Variants in GFRAL observed in about 807,000 individuals in gnomAD.
GFRAL encodes GDNF family receptor alpha like, also known as GDNF family receptor alpha-like.
In GFRAL, 36 loss-of-function variants were observed where a neutral mutation model predicts 45.4. The observed-to-expected ratio is 0.79, with a 90% CI of 0.61 to 1.05. GFRAL has a LOEUF of 1.05. GFRAL is among the 50% of genes least tolerant of loss of function. GFRAL has a pLI of 0.00. For missense variants in GFRAL, 507 were observed against 467.5 expected (o/e 1.08, Z -0.78); for synonymous variants, 166 against 154.1 (o/e 1.08, Z -0.57).
At chr6:55,342,544 C>G (rs1425485415) in intron 3 of GFRAL, among the ~76,000 whole-genome samples, 1 of 152,090 alleles carries the variant, frequency 6.6e-6, no homozygotes, top group Non-Finnish European at 1.5e-5. Flanking sequence ...TGGAAAGGGA[C>G]AACCGGTACC....
rs2127355242 is a variant in GFRAL at position 55,351,291 on chromosome 6, G to A, written c.409G>A (p.Ala137Thr). The A allele has an allele frequency of 6.2e-7, 1 of 1,607,734 alleles. No homozygotes were observed. Among genetic ancestry groups the A allele is most frequent in the Non-Finnish European group, 8.5e-7 (1 of 1,175,452 alleles). The change falls in exon 5 of 9, where the codon GCA becomes ACA. Residue 137 changes from alanine to threonine, a missense_variant. Physicochemically the swap from Ala to Thr is moderately conservative, Grantham distance 58 (BLOSUM62 0). Transcript: ENST00000340465. ...GMWSCLEVAE[A>T]CVGDVVCNAQ... ...GTGGTCCTGTTTGGAAGTGGCAGAG[G>A]CATGTGTAGGGGATGTGGTCTGTAA... is the stretch of plus-strand genomic sequence containing the variant.
chr6:55,369,304 C>T (rs148937720), intron 6 of GFRAL, among the ~76,000 whole-genome samples: 2,215 of 152,316 alleles, frequency 0.015, 52 homozygotes, highest in African/African-American at 0.051. Flanking sequence ...CTTCGGCTCA[C>T]GCAAGGTGCG....
At chr6:55,341,936 A>G (rs1219180639) in intron 3 of GFRAL, among the ~76,000 whole-genome samples, 1 of 151,912 alleles carries the variant, frequency 6.6e-6, no homozygotes, top group Non-Finnish European at 1.5e-5. Context: ...ATTGAAGATT[A>G]AACAAATGAA....
At chr6:55,338,161 G>A (rs2127351158) in intron 3 of GFRAL, among the ~76,000 whole-genome samples, 1 of 152,198 alleles carries the variant, frequency 6.6e-6, no homozygotes, top group East Asian at 1.9e-4. Flanking sequence ...AGTGATCTCA[G>A]CTCACTGCAA....
At chr6:55,333,453 A>G (rs1422526800) in intron 2 of GFRAL, among the ~76,000 whole-genome samples, 1 of 152,178 alleles carries the variant, frequency 6.6e-6, no homozygotes. Flanking sequence ...TAAAATAGAT[A>G]AGCTGACAAA....
chr6:55,399,994 G>T (rs541976605), intron 8 of GFRAL, among the ~76,000 whole-genome samples: 1 of 152,200 alleles, frequency 6.6e-6, no homozygotes, highest in African/African-American at 2.4e-5. Context: ...AATCTTGGCT[G>T]CTTTTATTGC....
intron 6 of GFRAL, among the ~76,000 whole-genome samples, chr6:55,368,914 C>T (rs1768407248): frequency 6.6e-6 from 1 of 152,096 alleles, no homozygotes; most frequent in South Asian, 2.1e-4. Flanking sequence ...TGCCCTGACC[C>T]CGGAGGTGGA....
chr6:55,331,719 G>A lies in GFRAL; in HGVS notation c.27G>A (p.Met9Ile), dbSNP rs1325546215. 1.2e-6 allele frequency: 2 copies of A among 1,604,978 alleles called. No individual in the cohort carries two copies. Among genetic ancestry groups the A allele is most frequent in the Non-Finnish European group, 1.7e-6 (2 of 1,177,050 alleles). The change falls in exon 2 of 9, where the codon ATG (methionine) becomes ATA (isoleucine). Residue 9 changes from methionine to isoleucine, a missense_variant. Met to Ile is a conservative substitution (Grantham distance 10). Transcript: ENST00000340465. ...TTTTTGTTGTTGTTATTCAAGCTAT[G>A]GGGTTAAGCTTGGAAAATGAATACA... MIVFIFLAMGLSLENEYTS... is the reference protein window; with the variant it reads MIVFIFLAIGLSLENEYTS...
At chr6:55,383,755 A>T (rs1768644693) in intron 6 of GFRAL, among the ~76,000 whole-genome samples, 1 of 151,970 alleles carries the variant, frequency 6.6e-6, no homozygotes, top group African/African-American at 2.4e-5. Flanking sequence ...GATTGACATG[A>T]TGCACTTTCT....
At chr6:55,357,483 C>T (rs1025043847) in intron 5 of GFRAL, among the ~76,000 whole-genome samples, 7 of 151,506 alleles carry the variant, frequency 4.6e-5, no homozygotes, top group Non-Finnish European at 1.0e-4. Context: ...ATAGCTACTC[C>T]TGCTTCTTTT....
In GFRAL at chr6:55,402,171, G is replaced by C. The variant is rs1770945263; in HGVS notation, c.*318G>C. On this transcript the variant is annotated 3_prime_UTR_variant, in exon 9 of 9. Transcript: ENST00000340465. Reference sequence around the variant, plus strand: ...TTTTTTGTATTTTTAGTAGAGATGGGGTTTTGCCAAATTGGCCAGGGTGGT... The same window carrying C: ...TTTTTTGTATTTTTAGTAGAGATGGCGTTTTGCCAAATTGGCCAGGGTGGT... The C allele has an allele frequency of 5.2e-6, 1 of 192,854 alleles. No homozygotes were observed. The highest frequency in any genetic ancestry group is 2.4e-5 in the African/African-American group (1 of 42,148). 11.9% of individuals were successfully genotyped at this position (192,854 alleles called of 1,614,324 possible).
intron 6 of GFRAL, among the ~76,000 whole-genome samples, chr6:55,385,001 C>T (rs1296099066): frequency 6.6e-6 from 1 of 152,000 alleles, no homozygotes; most frequent in Non-Finnish European, 1.5e-5. Flanking sequence ...ATGAGATCCA[C>T]CTGTGCAATT....
chr6:55,355,876 A>G (rs1483504582), intron 5 of GFRAL, among the ~76,000 whole-genome samples: 1 of 151,814 alleles, frequency 6.6e-6, no homozygotes, highest in African/African-American at 2.4e-5. Context: ...CATATATGGC[A>G]TTTATTCTGT....
chr6:55,387,915 A>G (rs1213636254), intron 6 of GFRAL, among the ~76,000 whole-genome samples: 1 of 152,216 alleles, frequency 6.6e-6, no homozygotes, highest in African/African-American at 2.4e-5. Context: ...TATTTAGGGT[A>G]TGTTGTACAA....
chr6:55,357,626 T>G (rs1258175494), intron 5 of GFRAL, among the ~76,000 whole-genome samples: 1 of 151,778 alleles, frequency 6.6e-6, no homozygotes, highest in Non-Finnish European at 1.5e-5. Flanking sequence ...GTTTAATCCA[T>G]TCAGCCATAC....
At chr6:55,341,872 G>T (rs1001666996) in intron 3 of GFRAL, among the ~76,000 whole-genome samples, 3 of 152,154 alleles carry the variant, frequency 2.0e-5, no homozygotes, top group Non-Finnish European at 2.9e-5. Flanking sequence ...ACTACATGAT[G>T]AATGCACAAG....
intron 6 of GFRAL, among the ~76,000 whole-genome samples, chr6:55,388,693 A>C (rs759157413): frequency 6.6e-6 from 1 of 152,302 alleles, no homozygotes; most frequent in South Asian, 2.1e-4. Flanking sequence ...TAAAATGGAA[A>C]TATTATTCCT....
rs769467456 is a variant in GFRAL at position 55,401,848 on chromosome 6, C to T, written c.1180C>T (p.Leu394Phe). The T allele has an allele frequency of 6.7e-7, 1 of 1,502,356 alleles. No homozygotes were observed. The highest frequency in any genetic ancestry group is 1.1e-5 in the South Asian group (1 of 88,834). 93.1% of individuals were successfully genotyped at this position (1,502,356 alleles called of 1,614,324 possible). A position where few individuals can be genotyped will look rare whatever the true frequency, so the allele number is the denominator to read the frequency against. Reference sequence around the variant, plus strand: ...TTCATCGATCCAAATACCTGGAGAACTCTGATTCATTAGGAGTCATGGACC... The same window carrying T: ...TTCATCGATCCAAATACCTGGAGAATTCTGATTCATTAGGAGTCATGGACC... Reference protein sequence around the residue: ...DPSSIQIPGEL With the variant: ...DPSSIQIPGEF Residue 394 changes from leucine to phenylalanine, a missense_variant, in exon 9 of 9, where the codon CTC becomes TTC. Leu to Phe is a conservative substitution (Grantham distance 22, BLOSUM62 0). Transcript: ENST00000340465.
At chr6:55,371,100 G>A (rs1400219272) in intron 6 of GFRAL, among the ~76,000 whole-genome samples, 1 of 151,906 alleles carries the variant, frequency 6.6e-6, no homozygotes, top group East Asian at 1.9e-4. Flanking sequence ...TTTCTTTCCT[G>A]TCTTATAATA....
Sources: allele counts gnomAD v4.1 joint callset (sites outside exome capture counted in the v4.1 genomes callset), GRCh38; gene constraint gnomAD v4.1.1; transcripts MANE v1.5; gene names NCBI Gene and HGNC (gene_info 2026-07-23, HGNC 2026-07-21).